TCERG1L: variants seen among roughly 807,000 people sequenced by gnomAD.
TCERG1L encodes the protein transcription elongation regulator 1-like protein.
Under a neutral mutation model 56.3 loss-of-function variants are expected in TCERG1L, and 37 were observed. The observed-to-expected ratio is 0.66, with a 90% confidence interval of 0.51 to 0.87. TCERG1L has a LOEUF of 0.87. TCERG1L is among the 40% of genes least tolerant of loss of function. The pLI is 0.00. For synonymous variants in TCERG1L, 324 were observed against 326.3 expected (o/e 0.99, Z 0.08); for missense variants, 799 against 774.2 (o/e 1.03, Z -0.38).
rs1000716860 is a variant in TCERG1L at position 131,184,251 on chromosome 10, G to A, written c.857-17366C>T. On this transcript the variant is annotated intron_variant, in intron 4 of 11. Transcript: ENST00000368642. ...CTAGCGTATCACATTTAAATGACCCGTTTCTTATCCGCAAGCTCTCTGAAA... is the reference window on the plus strand; with the variant it reads ...CTAGCGTATCACATTTAAATGACCCATTTCTTATCCGCAAGCTCTCTGAAA... Among the ~76,000 whole-genome samples, 46 of 152,248 alleles carry A rather than the reference G, an allele frequency of 3.0e-4. 1 individual carries two copies. The highest frequency in any genetic ancestry group is 1.1e-3 in the Admixed American group (17 of 15,304).
At chr10:131,194,962 T>C (rs1845342362) in intron 4 of TCERG1L, among the ~76,000 whole-genome samples, 1 of 152,202 alleles carries the variant, frequency 6.6e-6, no homozygotes, top group African/African-American at 2.4e-5. Flanking sequence ...CTGATACACA[T>C]GTGCCACTAA....
chr10:131,111,033 G>T (rs2133386273), intron 9 of TCERG1L, among the ~76,000 whole-genome samples: 1 of 143,506 alleles, frequency 7.0e-6, no homozygotes, highest in Admixed American at 6.8e-5. Context: ...CAGCGATCCT[G>T]ATGACCAGAG....
At chr10:131,150,506 G>A (rs1474352507) in intron 6 of TCERG1L, among the ~76,000 whole-genome samples, 2 of 152,218 alleles carry the variant, frequency 1.3e-5, no homozygotes, top group Non-Finnish European at 2.9e-5. Context: ...CCCTCCCACT[G>A]GCTTGGGGAG....
chr10:131,115,739 C>T (rs990019499), intron 9 of TCERG1L, among the ~76,000 whole-genome samples: 1 of 152,198 alleles, frequency 6.6e-6, no homozygotes, highest in African/African-American at 2.4e-5. Flanking sequence ...GTGGGACCAG[C>T]TCCTTCCTCC....
chr10:131,198,853 C>G (rs1481098811), intron 4 of TCERG1L, among the ~76,000 whole-genome samples: 1 of 152,236 alleles, frequency 6.6e-6, no homozygotes, highest in Non-Finnish European at 1.5e-5. Flanking sequence ...GCCTGCTCAG[C>G]TCATGCACCC....
intron 4 of TCERG1L, among the ~76,000 whole-genome samples, chr10:131,225,851 T>A (rs1845785864): frequency 6.6e-6 from 1 of 152,208 alleles, no homozygotes; most frequent in African/African-American, 2.4e-5. Flanking sequence ...TAGAGACTTC[T>A]GTTCAGTCAT....
intron 8 of TCERG1L, among the ~76,000 whole-genome samples, chr10:131,130,104 G>A (rs1052163700): frequency 2.1e-5 from 3 of 144,456 alleles, no homozygotes; most frequent in African/African-American, 7.9e-5. Context: ...AAAAAAAAAA[G>A]GTTGAACGGA....
chr10:131,241,013 C>A (rs1012549590), intron 4 of TCERG1L, among the ~76,000 whole-genome samples: 10 of 152,330 alleles, frequency 6.6e-5, no homozygotes, highest in South Asian at 2.1e-4. Flanking sequence ...CGGCCAAGGT[C>A]TATGAGGCGG....
At chr10:131,304,337 A>G in intron 3 of TCERG1L, among the ~76,000 whole-genome samples, 1 of 152,030 alleles carries the variant, frequency 6.6e-6, no homozygotes, top group Non-Finnish European at 1.5e-5. Flanking sequence ...TATTTTCAGA[A>G]GTAGAAAACA....
At chr10:131,300,727 T>C (rs1237420679) in intron 3 of TCERG1L, among the ~76,000 whole-genome samples, 2 of 152,220 alleles carry the variant, frequency 1.3e-5, no homozygotes, top group African/African-American at 4.8e-5. Flanking sequence ...TTATTTTGTA[T>C]CTTGTCAATA....
intron 2 of TCERG1L, 30 bp from the exon 3 acceptor site, chr10:131,308,421 G>A (rs750985801): frequency 6.3e-7 from 1 of 1,591,940 alleles, no homozygotes; most frequent in Non-Finnish European, 8.6e-7. Context: ...GCATAACACT[G>A]AAGGCAAGGT....
At chr10:131,176,930 A>AGACACATGAACACACACCAAGACACGTG in intron 4 of TCERG1L, among the ~76,000 whole-genome samples, 1 of 145,026 alleles carries the variant, frequency 6.9e-6, no homozygotes, top group East Asian at 2.1e-4. Flanking sequence ...ATGCACACAG[A>AGACACATGAACACACACCAAGACACGTG]CACGTGAACA....
At chr10:131,221,645 G>A (rs569772237) in intron 4 of TCERG1L, among the ~76,000 whole-genome samples, 1 of 152,296 alleles carries the variant, frequency 6.6e-6, no homozygotes, top group East Asian at 1.9e-4. Flanking sequence ...TATTGAACAC[G>A]GATCCCGGCT....
Position 131,166,836 on chromosome 10 carries a change from C to T in TCERG1L, c.906G>A (p.Leu302=). Residue 302 remains leucine, a synonymous_variant, in exon 5 of 12, where the codon CTG becomes CTA. Coordinates refer to ENST00000368642, the MANE Select transcript of TCERG1L (RefSeq NM_174937.4). ...CTCCATCCCGGCTCTTCTGGGCCCG[C>T]AGCATCAGGGCAGGAGGGCGGGCCA... ...GRVARPPALM[L]RAQKSRDGDK... is the part of the protein sequence containing the mutation. 6.2e-7 allele frequency: 1 copy of T among 1,613,830 alleles called. No individual in the cohort carries two copies. The highest frequency in any genetic ancestry group is 8.5e-7 in the Non-Finnish European group (1 of 1,179,902).
intron 4 of TCERG1L, among the ~76,000 whole-genome samples, chr10:131,211,426 C>T (rs916609711): frequency 6.6e-6 from 1 of 152,192 alleles, no homozygotes; most frequent in Non-Finnish European, 1.5e-5. Flanking sequence ...ACTACAACCC[C>T]TTTCCCGGTG....
At position 131,178,008 on chromosome 10, in the gene TCERG1L, C is replaced by G. The variant is rs1298819541; in HGVS notation, c.857-11123G>C. On this transcript the variant is annotated intron_variant, in intron 4 of 11. Coordinates refer to ENST00000368642, the MANE Select transcript of TCERG1L (RefSeq NM_174937.4). The stretch of plus-strand genomic sequence containing the variant: ...ATGTTGCCATTTTGATGGAAGCAGC[C>G]TCCACATTCCGGGACAGTCACACAG... Among the ~76,000 whole-genome samples the G allele has an allele frequency of 2.0e-5, 3 of 152,222 alleles. No individual in the cohort carries two copies. In the South Asian group the frequency reaches 6.2e-4, roughly 32 times the overall value.
At chr10:131,253,030 C>T (rs906238426) in intron 4 of TCERG1L, among the ~76,000 whole-genome samples, 3 of 152,214 alleles carry the variant, frequency 2.0e-5, no homozygotes, top group South Asian at 2.1e-4. Context: ...GAGGCCGTAG[C>T]GCCTTCCCTG....
chr10:131,259,132 G>A (rs552544695), intron 4 of TCERG1L, among the ~76,000 whole-genome samples: 2 of 152,258 alleles, frequency 1.3e-5, no homozygotes, highest in East Asian at 1.9e-4. Flanking sequence ...AATAGCGAAC[G>A]CCGAAGGTCC....
At chr10:131,139,797 T>C (rs1464839181) in intron 7 of TCERG1L, among the ~76,000 whole-genome samples, 1 of 151,874 alleles carries the variant, frequency 6.6e-6, no homozygotes, top group Non-Finnish European at 1.5e-5. Context: ...TGCTTGTGTG[T>C]CTGTGTGCGT....
Sources: allele counts gnomAD v4.1 joint callset (sites outside exome capture counted in the v4.1 genomes callset), GRCh38; gene constraint gnomAD v4.1.1; transcripts MANE v1.5; gene names NCBI Gene and HGNC (gene_info 2026-07-23, HGNC 2026-07-21).